The following SORCS2 variants were observed in gnomAD, a reference collection of about 807,000 sequenced individuals.
The protein encoded by SORCS2 is VPS10 domain-containing receptor SorCS2.
SORCS2 carries 100 observed loss-of-function variants against 141.6 expected under a neutral mutation model. The ratio of observed to expected loss-of-function variants is 0.71; its 90% CI spans 0.60 to 0.83. The LOEUF (loss-of-function observed/expected upper bound fraction) is 0.83. Ranked by LOEUF, SORCS2 falls within the 40% of genes least tolerant of loss-of-function variation. SORCS2 has a pLI of 0.00. For synonymous variants in SORCS2, 789 were observed against 676.9 expected, an observed-to-expected ratio of 1.17 and a Z score of -2.57; for missense variants, 1,646 against 1,560.2, an observed-to-expected ratio of 1.05 and a Z score of -0.93.
chr4:7,483,985 T>C (rs779912187), intron 2 of SORCS2, among the ~76,000 whole-genome samples: 3 of 152,226 alleles, frequency 2.0e-5, no homozygotes, highest in Non-Finnish European at 2.9e-5. Flanking sequence ...AAAATTCAAA[T>C]GCACGTCTTC....
intron 1 of SORCS2, among the ~76,000 whole-genome samples, chr4:7,237,675 C>G (rs373428266): frequency 2.0e-5 from 3 of 152,086 alleles, no homozygotes; most frequent in Admixed American, 2.0e-4. Context: ...TATGTTTCAG[C>G]CTCTCTGGGC....
chr4:7,447,566 A>AG (rs1728078397), intron 2 of SORCS2, among the ~76,000 whole-genome samples: 1 of 151,790 alleles, frequency 6.6e-6, no homozygotes, highest in African/African-American at 2.4e-5. Context: ...TCTATTCTGG[A>AG]AAGGGTTCTG....
intron 11 of SORCS2, 39 bp downstream of exon 11, chr4:7,689,627 T>C (rs1442360419): frequency 6.5e-7 from 1 of 1,532,712 alleles, no homozygotes; most frequent in Admixed American, 2.0e-5. Flanking sequence ...CAGGTGCCAT[T>C]ACAGCCCAAG....
chr4:7,526,464 G>GT (rs36097263), intron 2 of SORCS2, among the ~76,000 whole-genome samples: 32,600 of 152,240 alleles, frequency 0.21, 4,138 homozygotes, highest in Middle Eastern at 0.33. Context: ...TGGAAAAGGC[G>GT]TAACTATGAC....
intron 1 of SORCS2, among the ~76,000 whole-genome samples, chr4:7,229,388 C>A (rs1402960370): frequency 6.6e-6 from 1 of 152,144 alleles, no homozygotes; most frequent in Non-Finnish European, 1.5e-5. Flanking sequence ...GACTGAGAAT[C>A]AAGAGGGTCT....
intron 6 of SORCS2, 45 bp downstream of exon 6, chr4:7,661,609 C>A (rs779613507): frequency 6.5e-7 from 1 of 1,528,920 alleles, no homozygotes; most frequent in Non-Finnish European, 8.9e-7. Context: ...TGAGTCACCT[C>A]GCACCCGACA....
At chr4:7,310,775 C>T (rs142634237) in intron 1 of SORCS2, among the ~76,000 whole-genome samples, 1 of 152,210 alleles carries the variant, frequency 6.6e-6, no homozygotes, top group African/African-American at 2.4e-5. Flanking sequence ...AGAATTGTAT[C>T]AGCAAATCTT....
At chr4:7,318,555 T>G (rs1261331995) in intron 1 of SORCS2, among the ~76,000 whole-genome samples, 1 of 152,178 alleles carries the variant, frequency 6.6e-6, no homozygotes, top group Non-Finnish European at 1.5e-5. Context: ...GTGCCCAGTT[T>G]TGATGGTAAA....
At chr4:7,583,810 G>A (rs968349053) in intron 3 of SORCS2, among the ~76,000 whole-genome samples, 1 of 152,210 alleles carries the variant, frequency 6.6e-6, no homozygotes, top group African/African-American at 2.4e-5. Flanking sequence ...CGTGAAAACA[G>A]ACTAATACAT....
intron 1 of SORCS2, among the ~76,000 whole-genome samples, chr4:7,319,483 T>C (rs1340298337): frequency 1.3e-5 from 2 of 151,922 alleles, no homozygotes; most frequent in South Asian, 2.1e-4. Flanking sequence ...GGTGGGAAAA[T>C]TGCTTGAGAC....
chr4:7,345,911 A>T (rs555264378), intron 1 of SORCS2, among the ~76,000 whole-genome samples: 1 of 152,066 alleles, frequency 6.6e-6, no homozygotes, highest in South Asian at 2.1e-4. Flanking sequence ...TTTCTTCCTC[A>T]TCTGCCATCT....
intron 4 of SORCS2, among the ~76,000 whole-genome samples, chr4:7,640,586 C>G (rs1290397499): frequency 5.3e-5 from 8 of 151,470 alleles, no homozygotes; most frequent in African/African-American, 1.5e-4. Flanking sequence ...CTCGGGCCTT[C>G]GTTTAGGGCC....
At chr4:7,248,037 A>G (rs2108801110) in intron 1 of SORCS2, among the ~76,000 whole-genome samples, 1 of 152,234 alleles carries the variant, frequency 6.6e-6, no homozygotes, top group South Asian at 2.1e-4. Context: ...TGTCTTCCCC[A>G]CCTGAGAGCC....
At chr4:7,277,187 T>G (rs1292464845) in intron 1 of SORCS2, among the ~76,000 whole-genome samples, 3 of 152,158 alleles carry the variant, frequency 2.0e-5, no homozygotes, top group Admixed American at 6.5e-5. Context: ...AGTGTAAACT[T>G]TCCTGCTGTG....
At chr4:7,451,024 G>T (rs972404971) in intron 2 of SORCS2, among the ~76,000 whole-genome samples, 2 of 148,530 alleles carry the variant, frequency 1.3e-5, no homozygotes, top group Admixed American at 1.4e-4. Context: ...GAGGAAGTGA[G>T]GGAATGAGTG....
Position 7,565,198 on chromosome 4 carries a change from T to A in SORCS2, c.648+33569T>A, listed in dbSNP as rs55722399. 3.9e-3 allele frequency among the ~76,000 whole-genome samples: 600 copies of A among 152,230 alleles called. 5 individuals carry two copies. Among genetic ancestry groups the A allele is most frequent in the African/African-American group, 0.014 (581 of 41,534 alleles). On this transcript the variant is annotated intron_variant, in intron 3 of 26. Coordinates refer to ENST00000507866, the MANE Select transcript of SORCS2 (RefSeq NM_020777.3). ...AGACATGATTTTAAAAATAAATGAC[T>A]AGTCCCTGAAGAAGTACTGTTTCCA...
intron 1 of SORCS2, among the ~76,000 whole-genome samples, chr4:7,205,771 G>C (rs375747410): frequency 2.0e-5 from 3 of 152,234 alleles, no homozygotes; most frequent in Non-Finnish European, 4.4e-5. Context: ...GGCCGGACGC[G>C]GTGGCTCACG....
intron 2 of SORCS2, among the ~76,000 whole-genome samples, chr4:7,519,481 C>T (rs1733188635): frequency 6.6e-6 from 1 of 152,222 alleles, no homozygotes; most frequent in African/African-American, 2.4e-5. Context: ...GTCTCCCTGT[C>T]TGCACGGGAA....
chr4:7,398,557 A>G (rs1216968680), intron 2 of SORCS2, among the ~76,000 whole-genome samples: 1 of 152,234 alleles, frequency 6.6e-6, no homozygotes, highest in African/African-American at 2.4e-5. Flanking sequence ...GACATTAGTC[A>G]TCTCACCAAA....
Sources: gnomAD v4.1 joint callset for allele counts (sites outside exome capture counted in the v4.1 genomes callset) on GRCh38, gnomAD v4.1.1 for gene constraint, MANE v1.5 for transcripts, NCBI Gene and HGNC (gene_info 2026-07-23, HGNC 2026-07-21) for gene names.